The following RP1 variants were observed in gnomAD, a reference collection of about 807,000 sequenced individuals.
RP1 encodes the protein RP1 axonemal microtubule associated.
In RP1, 16 loss-of-function variants were observed where a neutral mutation model predicts 14.8. The observed-to-expected ratio is 1.08, with a 90% CI of 0.73 to 1.65. RP1 has a LOEUF of 1.65. Ranked by LOEUF, RP1 falls within the 40% of genes most tolerant of loss-of-function variation. The pLI, the probability that RP1 is intolerant of heterozygous loss-of-function variation, is 0.00. For synonymous variants in RP1, 876 were observed against 883.6 expected (o/e 0.99, Z 0.15); for missense variants, 2,631 against 2,535.0 (o/e 1.04, Z -0.81).
At chr8:54,744,500 G>A (rs1214472079) in intron 19 of RP1, among the ~76,000 whole-genome samples, 2 of 152,192 alleles carry the variant, frequency 1.3e-5, no homozygotes, top group African/African-American at 4.8e-5. Context: ...CCTTGTGTTC[G>A]AAGGATGATT....
Position 54,628,847 on chromosome 8 carries a change from G to C in RP1, c.4965G>C (p.Gln1655His), listed in dbSNP as rs1806160960. 6.2e-7 allele frequency: 1 copy of C among 1,613,988 alleles called. No individual in the cohort carries two copies. The highest frequency in any genetic ancestry group is 2.2e-5 in the East Asian group (1 of 44,882). ...TTCCTGGGTCTACCCGCAAATCTCA[G>C]GTTTGTCCTTATAATTCTGTGGAAT... ...SFFPGSTRKS[Q>H]VCPYNSVEFQ... The change falls in exon 4 of 4, where the codon CAG becomes CAC. Residue 1655 changes from glutamine (Q) to histidine (H), a missense_variant. By Grantham distance (24) the Gln-to-His change is conservative. Transcript: ENST00000220676.
intron 1 of RP1, among the ~76,000 whole-genome samples, chr8:54,585,817 G>A (rs1020212159): frequency 1.3e-5 from 2 of 152,132 alleles, no homozygotes; most frequent in Admixed American, 6.5e-5. Context: ...CATTCATCAC[G>A]TAGTTCTCGT....
At chr8:54,844,415 G>T (rs185178379) in intron 25 of RP1, among the ~76,000 whole-genome samples, 3 of 152,342 alleles carry the variant, frequency 2.0e-5, no homozygotes, top group African/African-American at 7.2e-5. Context: ...TAAGATGTAA[G>T]GTCTCATGGA....
chr8:54,650,349 G>C (rs542758421), intron 4 of RP1, among the ~76,000 whole-genome samples: 28 of 152,158 alleles, frequency 1.8e-4, no homozygotes, highest in African/African-American at 5.8e-4. Flanking sequence ...TTCTTGTAAG[G>C]GTTCTTAGGC....
At position 54,706,361 on chromosome 8, in the gene RP1, G is replaced by T. The variant is rs1040795932; in HGVS notation, c.1999-82G>T. ...CCTGGTCACTATGGCTTCAGTAAGA[G>T]AATTGCCTCTATAGTTGTCTCCCTC... On this transcript the variant is annotated intron_variant, in intron 14 of 22. Coordinates refer to the RP1 transcript ENST00000636932. 5.1e-6 allele frequency: 7 copies of T among 1,371,196 alleles called. No homozygotes were observed. The East Asian group carries it at 7.5e-5, about 15-fold the overall frequency. 84.9% of individuals were successfully genotyped at this position (1,371,196 alleles called of 1,614,324 possible).
intron 1 of RP1, among the ~76,000 whole-genome samples, chr8:54,579,836 T>C (rs1454192930): frequency 6.6e-6 from 1 of 152,166 alleles, no homozygotes; most frequent in East Asian, 1.9e-4. Context: ...GCCAATCCCT[T>C]CCTCAGAATC....
intron 19 of RP1, among the ~76,000 whole-genome samples, chr8:54,740,971 G>A (rs957492639): frequency 5.3e-5 from 8 of 151,732 alleles, no homozygotes; most frequent in Non-Finnish European, 1.0e-4. Flanking sequence ...CAGAGGCAGA[G>A]GTTGCAGTGA....
At chr8:54,776,481 C>T (rs1307954753) in intron 23 of RP1, among the ~76,000 whole-genome samples, 2 of 152,326 alleles carry the variant, frequency 1.3e-5, no homozygotes, top group African/African-American at 4.8e-5. Context: ...CTATTCTTGG[C>T]CAACTAGGCC....
At chr8:54,763,732 G>A (rs918276048) in intron 22 of RP1, among the ~76,000 whole-genome samples, 1 of 152,124 alleles carries the variant, frequency 6.6e-6, no homozygotes, top group African/African-American at 2.4e-5. Flanking sequence ...TCAAAGCAAG[G>A]CAGCATGACC....
chr8:54,606,182 G>A lies in RP1; in HGVS notation c.-12-14773G>A, dbSNP rs190469339. ...GCATGTTTTTGCAGTGGCTGGTACC[G>A]GTTGTTCCTTTGCATGTTCAGTGCT... On this transcript the variant is annotated intron_variant, in intron 1 of 22. Coordinates refer to the RP1 transcript ENST00000636932. 1.1e-4 allele frequency among the ~76,000 whole-genome samples: 16 copies of A among 152,200 alleles called. No homozygotes were observed. The East Asian group carries it at 1.9e-3, about 18-fold the overall frequency.
intron 23 of RP1, among the ~76,000 whole-genome samples, chr8:54,777,443 G>T (rs1810071478): frequency 6.6e-6 from 1 of 152,172 alleles, no homozygotes; most frequent in Non-Finnish European, 1.5e-5. Flanking sequence ...ATGTTTGATG[G>T]TTGTTTTCTG....
chr8:54,820,961 A>G (rs992410739), intron 24 of RP1, among the ~76,000 whole-genome samples: 1 of 152,190 alleles, frequency 6.6e-6, no homozygotes, highest in East Asian at 1.9e-4. Flanking sequence ...GCGAAGCAGC[A>G]AGATGAGGGA....
In RP1 at chr8:54,580,441, GGA is replaced by G. The variant is rs1327827737; in HGVS notation, c.-13+21122_-13+21123del. On this transcript the variant is annotated intron_variant, in intron 1 of 22. Transcript: ENST00000636932. Reference sequence around the variant, plus strand: ...CCTGCCCCAGCCTCCAGAGTAGCTGGGACTACAGGCGTGCGCCACCACGCCCA... The same window carrying G: ...CCTGCCCCAGCCTCCAGAGTAGCTGGCTACAGGCGTGCGCCACCACGCCCA... Among the ~76,000 whole-genome samples, 204 of 150,310 alleles carry G rather than the reference GGA, an allele frequency of 1.4e-3. 1 individual carries two copies. Among genetic ancestry groups the G allele is most frequent in the Middle Eastern group, 0.01 (3 of 292 alleles).
intron 1 of RP1, among the ~76,000 whole-genome samples, chr8:54,609,784 A>C (rs1308207754): frequency 6.6e-6 from 1 of 152,094 alleles, no homozygotes; most frequent in African/African-American, 2.4e-5. Flanking sequence ...GCTACTGGGG[A>C]TGGCCTTCTC....
intron 18 of RP1, among the ~76,000 whole-genome samples, chr8:54,737,040 C>G (rs1158221080): frequency 6.6e-6 from 1 of 152,156 alleles, no homozygotes; most frequent in Non-Finnish European, 1.5e-5. Flanking sequence ...CTTTCATTCT[C>G]TTTTCCTTCT....
At chr8:54,712,198 G>A (rs1044562706) in intron 15 of RP1, among the ~76,000 whole-genome samples, 1 of 152,158 alleles carries the variant, frequency 6.6e-6, no homozygotes, top group Non-Finnish European at 1.5e-5. Context: ...AGTTTCTGTG[G>A]CCTACATCGG....
chr8:54,781,056 A>G (rs1421982917), intron 23 of RP1: 1 of 984,330 alleles, frequency 1.0e-6, no homozygotes, highest in Non-Finnish European at 1.2e-6. Flanking sequence ...ACACAAAAGG[A>G]AAGTAAGCCT....
At position 54,627,903 on chromosome 8, in the gene RP1, A is replaced by G; in HGVS notation, c.4021A>G (p.Thr1341Ala). The change falls in exon 4 of 4, where the codon ACC becomes GCC. Residue 1341 changes from threonine (T) to alanine (A), a missense_variant. Physicochemically the swap from Thr to Ala is moderately conservative, Grantham distance 58 (BLOSUM62 0). Coordinates refer to ENST00000220676, the MANE Select transcript of RP1 (RefSeq NM_006269.2). ...CTACGTTCCTGTCAATGTCTGCAATACCATTGACTTTTTAAACTCCAAAGA... is the reference window on the plus strand; with the variant it reads ...CTACGTTCCTGTCAATGTCTGCAATGCCATTGACTTTTTAAACTCCAAAGA... ...ETYVPVNVCN[T>A]IDFLNSKENT... 5.0e-6 allele frequency: 8 copies of G among 1,614,154 alleles called. No homozygotes were observed. Among genetic ancestry groups the G allele is most frequent in the Non-Finnish European group, 6.8e-6 (8 of 1,179,980 alleles).
chr8:54,738,960 T>C, exon 19 of RP1: 1 of 1,501,496 alleles, frequency 6.7e-7, no homozygotes, highest in Non-Finnish European at 8.9e-7. Context: ...TAAGAAACAC[T>C]GGAAACATAT....
Sources: allele counts gnomAD v4.1 joint callset (sites outside exome capture counted in the v4.1 genomes callset), GRCh38; gene constraint gnomAD v4.1.1; transcripts MANE v1.5; gene names NCBI Gene and HGNC (gene_info 2026-07-23, HGNC 2026-07-21).